The following PDPN variants were observed in gnomAD, a reference collection of about 807,000 sequenced individuals.
PDPN encodes the protein PA2.26 antigen.
A neutral mutation model predicts 23.2 loss-of-function variants in PDPN; 12 were observed. The ratio of observed to expected loss-of-function variants is 0.52; its 90% CI spans 0.33 to 0.84. The LOEUF is 0.84. Among genes scored for constraint, PDPN ranks in the 40% least tolerant of loss-of-function variants. The pLI, the probability that PDPN is intolerant of heterozygous loss-of-function variation, is 0.02. For synonymous variants in PDPN, 77 were observed against 76.7 expected (o/e 1.00, Z -0.02); for missense variants, 199 against 212.2 (o/e 0.94, Z 0.39).
At chr1:13,610,324 G>A (rs1162823917) in intron 2 of PDPN, 63 bp from the exon 3 acceptor site, 12 of 1,414,852 alleles carry the variant, frequency 8.5e-6, no homozygotes, top group Non-Finnish European at 1.1e-5. Flanking sequence ...TTATAAGGCA[G>A]GGGATATATT....
At chr1:13,608,769 A>G (rs1377098173) in intron 2 of PDPN, among the ~76,000 whole-genome samples, 7 of 152,198 alleles carry the variant, frequency 4.6e-5, no homozygotes, top group African/African-American at 1.7e-4. Context: ...TTTATTCTTA[A>G]TGCAGTTTGT....
intron 1 of PDPN, among the ~76,000 whole-genome samples, chr1:13,592,674 G>C (rs1055469340): frequency 6.7e-6 from 1 of 149,992 alleles, no homozygotes; most frequent in Non-Finnish European, 1.5e-5. Context: ...CTCAGCCTCC[G>C]AGTAGCTGGG....
chr1:13,584,906 T>C (rs1177466531), intron 1 of PDPN, among the ~76,000 whole-genome samples: 1 of 152,194 alleles, frequency 6.6e-6, no homozygotes. Context: ...TCCTGGAGCC[T>C]TACCTCTTCC....
intron 3 of PDPN, among the ~76,000 whole-genome samples, chr1:13,611,949 G>A (rs1640945753): frequency 6.6e-6 from 1 of 152,140 alleles, no homozygotes; most frequent in South Asian, 2.1e-4. Flanking sequence ...TGTAACGTGG[G>A]TTGACAGCTA....
chr1:13,611,227 AAAAAC>A (rs1236741312), intron 3 of PDPN, among the ~76,000 whole-genome samples: 1 of 142,216 alleles, frequency 7.0e-6, no homozygotes, highest in African/African-American at 2.6e-5. Context: ...TCTCAAAAAA[AAAAAC>A]AAAACAAAAA....
At chr1:13,613,797 G>T in intron 4 of PDPN, 72 bp downstream of exon 4, 1 of 791,532 alleles carries the variant, frequency 1.3e-6, no homozygotes, top group Non-Finnish European at 2.2e-6. Context: ...TAATTGTTGA[G>T]ACGAATTGCG....
At chr1:13,609,441 G>C (rs943127338) in intron 2 of PDPN, among the ~76,000 whole-genome samples, 2 of 151,914 alleles carry the variant, frequency 1.3e-5, no homozygotes, top group Admixed American at 1.3e-4. Flanking sequence ...TTTTATTGTG[G>C]TTAAAAAAAT....
intron 1 of PDPN, among the ~76,000 whole-genome samples, chr1:13,586,006 G>A (rs895214460): frequency 5.9e-5 from 9 of 152,088 alleles, no homozygotes; most frequent in African/African-American, 2.2e-4. Context: ...TCATCCCTTT[G>A]GGTGTTAGTG....
At chr1:13,583,774 A>G (rs759679360), upstream of PDPN, 4 of 1,510,818 alleles carry the variant, frequency 2.6e-6, no homozygotes, top group South Asian at 4.0e-5. Context: ...CTTGCGGCCG[A>G]CCCCGCTCCC....
intron 1 of PDPN, among the ~76,000 whole-genome samples, chr1:13,594,421 A>G (rs1018080897): frequency 6.6e-6 from 1 of 152,220 alleles, no homozygotes; most frequent in Non-Finnish European, 1.5e-5. Context: ...CCCCTCCTCA[A>G]TAATCTACAG....
chr1:13,612,458 A>C (rs1640958597), intron 3 of PDPN, among the ~76,000 whole-genome samples: 1 of 152,314 alleles, frequency 6.6e-6, no homozygotes, highest in African/African-American at 2.4e-5. Context: ...ATCAGCTGCC[A>C]CGTGGTAGGA....
chr1:13,587,741 T>G (rs934455627), intron 1 of PDPN, among the ~76,000 whole-genome samples: 2 of 152,208 alleles, frequency 1.3e-5, no homozygotes, highest in African/African-American at 4.8e-5. Context: ...GCTCCGTGAT[T>G]AGGCATTTTA....
intron 1 of PDPN, among the ~76,000 whole-genome samples, chr1:13,592,543 A>ATTTTT (rs34176163): frequency 2.9e-5 from 3 of 105,054 alleles, no homozygotes; most frequent in African/African-American, 7.4e-5. Context: ...TGAAAAGATG[A>ATTTTT]TTTTTTTTTT....
intron 1 of PDPN, among the ~76,000 whole-genome samples, chr1:13,600,836 A>G (rs552970455): frequency 6.6e-6 from 1 of 152,174 alleles, no homozygotes; most frequent in South Asian, 2.1e-4. Flanking sequence ...CACAAGCAGA[A>G]TGAGGGGATC....
chr1:13,599,970 C>G (rs1192457847), intron 1 of PDPN, among the ~76,000 whole-genome samples: 3 of 152,182 alleles, frequency 2.0e-5, no homozygotes, highest in Non-Finnish European at 4.4e-5. Flanking sequence ...TGAGTCATAC[C>G]TTCCTTCTAA....
chr1:13,592,571 CAG>C (rs1640376593), intron 1 of PDPN, among the ~76,000 whole-genome samples: 1 of 112,092 alleles, frequency 8.9e-6, no homozygotes, highest in Non-Finnish European at 1.7e-5. Context: ...TTTTTTGAGA[CAG>C]AGTTTTGCTC....
chr1:13,613,725 G>A lies in PDPN; in HGVS notation c.370G>A (p.Asp124Asn), dbSNP rs1364845126. 3.3e-6 allele frequency: 5 copies of A among 1,501,036 alleles called. No individual in the cohort carries two copies. The highest frequency in any genetic ancestry group is 4.6e-6 in the Non-Finnish European group (5 of 1,078,082). 93.0% of individuals were successfully genotyped at this position (1,501,036 alleles called of 1,614,324 possible). A position where few individuals can be genotyped will look rare whatever the true frequency, so the allele number is the denominator to read the frequency against. Reference sequence around the variant, plus strand: ...AGACACACAGACAACAGTTGAGAAAGGTAGGCTAGATTTTGGCATCAAAAT... The same window carrying A: ...AGACACACAGACAACAGTTGAGAAAAGTAGGCTAGATTTTGGCATCAAAAT... ...DGDTQTTVEK[D>N]GLSTVTLVGI... The change falls in exon 4 of 6, where the codon GAT becomes AAT. Residue 124 changes from aspartate to asparagine, a missense_variant and splice_region_variant. Physicochemically the swap from Asp to Asn is conservative, Grantham distance 23. Transcript: ENST00000621990.
chr1:13,589,921 A>G (rs1189185765), intron 1 of PDPN, among the ~76,000 whole-genome samples: 1 of 152,150 alleles, frequency 6.6e-6, no homozygotes, highest in African/African-American at 2.4e-5. Flanking sequence ...TCCGACCCCC[A>G]GGTTCCAACC....
intron 1 of PDPN, chr1:13,584,373 G>C: frequency 1.4e-6 from 2 of 1,399,368 alleles, no homozygotes; most frequent in Non-Finnish European, 1.9e-6. Flanking sequence ...CCTCCGAGTC[G>C]GCAGCACCAG....
Sources: allele counts gnomAD v4.1 joint callset (sites outside exome capture counted in the v4.1 genomes callset), GRCh38; gene constraint gnomAD v4.1.1; transcripts MANE v1.5; gene names NCBI Gene and HGNC (gene_info 2026-07-23, HGNC 2026-07-21).